The following IL1RAPL1 variants were observed in gnomAD, a reference collection of about 807,000 sequenced individuals.
IL1RAPL1 encodes interleukin-1 receptor accessory protein-like 1.
In IL1RAPL1, 3 loss-of-function variants were observed where a neutral mutation model predicts 48.4. The observed-to-expected ratio is 0.06, with a 90% CI of 0.03 to 0.16. The LOEUF (loss-of-function observed/expected upper bound fraction) is 0.16, where lower values mean the gene tolerates loss of function less well. Ranked by LOEUF, IL1RAPL1 falls within the 10% of genes least tolerant of loss-of-function variation. IL1RAPL1 has a pLI of 1.00. For missense variants in IL1RAPL1, 349 were observed against 530.6 expected (o/e 0.66, Z 3.36); for synonymous variants, 185 against 187.7 (o/e 0.99, Z 0.12).
chrX:29,364,804 A>T (rs1424314640), intron 3 of IL1RAPL1, among the ~76,000 whole-genome samples: 1 of 110,913 alleles, frequency 9.0e-6, no homozygotes, highest in African/African-American at 3.3e-5. Context: ...ATTTTATAAC[A>T]GGGACTTGAA....
intron 2 of IL1RAPL1, among the ~76,000 whole-genome samples, chrX:29,126,849 C>T (rs1296795464): frequency 1.8e-5 from 2 of 111,772 alleles, no homozygotes; most frequent in Admixed American, 9.5e-5. Context: ...ATTCATTTCT[C>T]ACATGAAATA....
At chrX:28,836,685 A>ACTT (rs1921226590) in intron 2 of IL1RAPL1, among the ~76,000 whole-genome samples, 1 of 110,263 alleles carries the variant, frequency 9.1e-6, no homozygotes, top group Non-Finnish European at 1.9e-5. Flanking sequence ...ACGAGAAGGA[A>ACTT]ACTTAAGAAA....
At chrX:28,817,934 A>T (rs1367057234) in intron 2 of IL1RAPL1, among the ~76,000 whole-genome samples, 1 of 111,121 alleles carries the variant, frequency 9.0e-6, no homozygotes, top group African/African-American at 3.3e-5. Context: ...GTAAATGGTG[A>T]CAGGATTGTG....
At chrX:29,801,076 A>AAAAAAAAAAAAAAAAC (rs1569172133) in intron 6 of IL1RAPL1, among the ~76,000 whole-genome samples, 6 of 87,015 alleles carry the variant, frequency 6.9e-5, no homozygotes, top group African/African-American at 3.4e-4. Context: ...AAAAAAAAAA[A>AAAAAAAAAAAAAAAAC]AAAACTCATC....
At chrX:29,643,554 T>C (rs1038995850) in intron 5 of IL1RAPL1, among the ~76,000 whole-genome samples, 2 of 112,217 alleles carry the variant, frequency 1.8e-5, no homozygotes, top group African/African-American at 3.2e-5. Flanking sequence ...AGATAACATA[T>C]TGCATATTCA....
At chrX:29,102,141 C>G (rs556103096) in intron 2 of IL1RAPL1, among the ~76,000 whole-genome samples, 1 of 109,719 alleles carries the variant, frequency 9.1e-6, no homozygotes, top group Non-Finnish European at 1.9e-5. Flanking sequence ...AAAAAAACAC[C>G]CTTAAAAAAA....
intron 6 of IL1RAPL1, among the ~76,000 whole-genome samples, chrX:29,814,493 A>G (rs1011557718): frequency 9.0e-6 from 1 of 111,513 alleles, no homozygotes; most frequent in Non-Finnish European, 1.9e-5. Flanking sequence ...CCTTTGTCAG[A>G]TGCATAGTTT....
intron 3 of IL1RAPL1, among the ~76,000 whole-genome samples, chrX:29,284,784 G>A (rs1932255733): frequency 2.7e-5 from 3 of 111,395 alleles, no homozygotes; most frequent in Non-Finnish European, 5.7e-5. Context: ...TCATTCCTTT[G>A]GCAACTCTTC....
At chrX:29,573,732 G>A (rs1038895996) in intron 5 of IL1RAPL1, among the ~76,000 whole-genome samples, 1 of 112,463 alleles carries the variant, frequency 8.9e-6, no homozygotes, top group Non-Finnish European at 1.9e-5. Flanking sequence ...TTTGAGAATT[G>A]TATTTATGAT....
intron 1 of IL1RAPL1, among the ~76,000 whole-genome samples, chrX:28,707,659 G>T (rs1036433629): frequency 1.8e-5 from 2 of 112,055 alleles, no homozygotes; most frequent in Non-Finnish European, 3.8e-5. Context: ...AAGGAGAAAT[G>T]GTGACATTGC....
At chrX:28,731,637 C>T (rs2873701) in intron 1 of IL1RAPL1, among the ~76,000 whole-genome samples, 54,590 of 109,623 alleles carry the variant, frequency 0.5, 10,227 homozygotes, top group Middle Eastern at 0.73. Flanking sequence ...GAGAGACAGG[C>T]AAAGTCCTAG....
rs148013015 is a variant in IL1RAPL1, at chrX:29,159,473, A to T, written c.83-123465A>T. On this transcript the variant is annotated intron_variant, in intron 2 of 10. Coordinates refer to ENST00000378993, the MANE Select transcript of IL1RAPL1 (RefSeq NM_014271.4). ...GGCAGATGATAGCTAAGTGCATTGT[A>T]TAAAAGATACATTATTTACCAGATC... 5.6e-4 allele frequency among the ~76,000 whole-genome samples: 63 copies of T among 112,146 alleles called. No individual in the cohort carries two copies. In the East Asian group the frequency reaches 0.016, roughly 28 times the overall value.
intron 5 of IL1RAPL1, among the ~76,000 whole-genome samples, chrX:29,556,638 ACT>A (rs1338155636): frequency 1.0e-5 from 1 of 97,415 alleles, no homozygotes; most frequent in Non-Finnish European, 2.0e-5. Flanking sequence ...ACAAAGCAAG[ACT>A]CTGCCTCAAA....
chrX:28,609,580 G>T (rs1601833264), intron 1 of IL1RAPL1, among the ~76,000 whole-genome samples: 4 of 95,602 alleles, frequency 4.2e-5, no homozygotes, highest in South Asian at 5.0e-4. Context: ...TTCTTTTTTG[G>T]CTTCATTTCT....
chrX:29,168,249 T>C (rs1289399965), intron 2 of IL1RAPL1, among the ~76,000 whole-genome samples: 18 of 108,557 alleles, frequency 1.7e-4, no homozygotes, highest in Non-Finnish European at 2.7e-4. Flanking sequence ...TTATTTGCTA[T>C]AGTCACCCTA....
Position 29,479,414 on chromosome X carries a change from C to CAAAA in IL1RAPL1, c.703+80120_703+80123dup, listed in dbSNP as rs3069570. Among the ~76,000 whole-genome samples the CAAAA allele has an allele frequency of 2.5e-3, 107 of 42,488 alleles. 10 individuals carry two copies. Among genetic ancestry groups the CAAAA allele is most frequent in the African/African-American group, 6.0e-3 (62 of 10,391 alleles). The allele number at this position is 42,488 out of a possible 115,157, so 36.9% of individuals were successfully genotyped here. A position where few individuals can be genotyped will look rare whatever the true frequency, so the allele number is the denominator to read the frequency against. On this transcript the variant is annotated intron_variant, in intron 5 of 10. Transcript: ENST00000378993. ...TGGGTGACAGAGCGAGACCCTGTCT[C>CAAAA]AAAAAAAAAAAAAAAAATTAGCATT...
chrX:28,801,160 C>T (rs1270486908), intron 2 of IL1RAPL1, among the ~76,000 whole-genome samples: 1 of 110,370 alleles, frequency 9.1e-6, no homozygotes, highest in Admixed American at 9.8e-5. Context: ...GGATTACAGG[C>T]GTGAGCCACC....
chrX:29,400,417 AT>A (rs1211658407), intron 5 of IL1RAPL1, among the ~76,000 whole-genome samples: 3 of 111,456 alleles, frequency 2.7e-5, no homozygotes, highest in East Asian at 2.8e-4. Context: ...GCATTCATAC[AT>A]TTTTTTTCTT....
chrX:29,094,446 T>G (rs1041632009), intron 2 of IL1RAPL1, among the ~76,000 whole-genome samples: 2 of 109,763 alleles, frequency 1.8e-5, no homozygotes. Context: ...AATTTCTAGA[T>G]TTTTTGTTTT....
Sources: gnomAD v4.1 joint callset for allele counts (sites outside exome capture counted in the v4.1 genomes callset) on GRCh38, gnomAD v4.1.1 for gene constraint, MANE v1.5 for transcripts, NCBI Gene and HGNC (gene_info 2026-07-23, HGNC 2026-07-21) for gene names.